Variants in VSNL1 observed in about 807,000 individuals in gnomAD.
VSNL1 encodes the protein visinin like 1, also known as visinin-like protein 1.
A neutral mutation model predicts 20.4 loss-of-function variants in VSNL1; 6 were observed. That is an observed-to-expected ratio of 0.29 (90% CI 0.16 to 0.58). VSNL1 has a LOEUF of 0.58. Among genes scored for constraint, VSNL1 ranks in the 20% least tolerant of loss-of-function variants. The pLI, the probability that VSNL1 is intolerant of heterozygous loss-of-function variation, is 0.90. For missense variants in VSNL1, 100 were observed against 234.5 expected, an observed-to-expected ratio of 0.43 and a Z score of 3.75; for synonymous variants, 93 against 86.4, an observed-to-expected ratio of 1.08 and a Z score of -0.42.
intron 1 of VSNL1, among the ~76,000 whole-genome samples, chr2:17,571,250 G>A (rs981321511): frequency 6.6e-6 from 1 of 151,972 alleles, no homozygotes; most frequent in South Asian, 2.1e-4. Context: ...TTTCCTTTAG[G>A]TACTAGGATG....
At chr2:17,605,124 C>G (rs1664913563) in intron 2 of VSNL1, among the ~76,000 whole-genome samples, 1 of 152,198 alleles carries the variant, frequency 6.6e-6, no homozygotes, top group Admixed American at 6.5e-5. Context: ...CTCTTCATAT[C>G]TACTTTACAA....
chr2:17,586,890 C>A (rs1339696902), intron 1 of VSNL1, among the ~76,000 whole-genome samples: 1 of 152,064 alleles, frequency 6.6e-6, no homozygotes, highest in Non-Finnish European at 1.5e-5. Context: ...GCATTCCAGG[C>A]AGAAGTCTAA....
chr2:17,652,393 AT>A (rs1462100776), intron 3 of VSNL1, among the ~76,000 whole-genome samples: 1 of 152,208 alleles, frequency 6.6e-6, no homozygotes, highest in Non-Finnish European at 1.5e-5. Flanking sequence ...GTCAAATGCT[AT>A]TGATAAAAGA....
rs570864875 is a variant in VSNL1 at position 17,578,545 on chromosome 2, C to T, written c.-5-13525C>T. Among the ~76,000 whole-genome samples the T allele has an allele frequency of 1.4e-4, 21 of 152,296 alleles. 1 individual carries two copies. In the South Asian group the frequency reaches 4.4e-3, roughly 32 times the overall value. On this transcript the variant is annotated intron_variant, in intron 1 of 3. Coordinates refer to ENST00000295156, the MANE Select transcript of VSNL1 (RefSeq NM_003385.5). ...ACTCCAAGTGAAAGTGACACAGGCC[C>T]AGAAGCATTTGTCATCCCCACAGGG...
At chr2:17,588,855 A>AG (rs916126060) in intron 1 of VSNL1, among the ~76,000 whole-genome samples, 1 of 152,206 alleles carries the variant, frequency 6.6e-6, no homozygotes, top group African/African-American at 2.4e-5. Flanking sequence ...ACATTTTCTC[A>AG]GAAAAAAAAT....
intron 1 of VSNL1, among the ~76,000 whole-genome samples, chr2:17,548,786 A>G (rs1291146692): frequency 6.6e-6 from 1 of 152,324 alleles, no homozygotes; most frequent in Admixed American, 6.5e-5. Flanking sequence ...CATAACACAT[A>G]TCCCAGGTAG....
At chr2:17,584,437 C>T (rs941353794) in intron 1 of VSNL1, among the ~76,000 whole-genome samples, 1 of 152,052 alleles carries the variant, frequency 6.6e-6, no homozygotes, top group South Asian at 2.1e-4. Context: ...TTTGATTATG[C>T]CATTTTGACC....
intron 2 of VSNL1, among the ~76,000 whole-genome samples, chr2:17,646,194 A>C (rs190049943): frequency 2.0e-3 from 299 of 152,360 alleles, no homozygotes; most frequent in African/African-American, 6.9e-3. Context: ...TTAAAGAATG[A>C]GTCAGAAAAT....
At chr2:17,570,805 G>C (rs777974042) in intron 1 of VSNL1, among the ~76,000 whole-genome samples, 2 of 152,190 alleles carry the variant, frequency 1.3e-5, no homozygotes, top group Non-Finnish European at 2.9e-5. Context: ...CCAGCACTTT[G>C]GGAGGCCGAG....
intron 2 of VSNL1, among the ~76,000 whole-genome samples, chr2:17,627,225 T>C (rs768144575): frequency 1.3e-5 from 2 of 152,212 alleles, no homozygotes; most frequent in African/African-American, 2.4e-5. Flanking sequence ...CAATCTGTCA[T>C]TGCTTCTAGG....
chr2:17,627,331 C>T (rs1665535785), intron 2 of VSNL1, among the ~76,000 whole-genome samples: 1 of 152,230 alleles, frequency 6.6e-6, no homozygotes, highest in East Asian at 1.9e-4. Context: ...GACCTTTTCA[C>T]CTTGGTAGTT....
chr2:17,579,741 C>A (rs1475404505), intron 1 of VSNL1, among the ~76,000 whole-genome samples: 1 of 152,172 alleles, frequency 6.6e-6, no homozygotes, highest in Admixed American at 6.5e-5. Context: ...CCCACACAGG[C>A]ATTTGGGAGG....
chr2:17,623,634 C>T (rs1414602469), intron 2 of VSNL1, among the ~76,000 whole-genome samples: 1 of 137,254 alleles, frequency 7.3e-6, no homozygotes, highest in African/African-American at 2.8e-5. Flanking sequence ...CATGCCACTG[C>T]ACTGCAGCCT....
chr2:17,582,857 T>G (rs771241871), intron 1 of VSNL1, among the ~76,000 whole-genome samples: 1 of 151,742 alleles, frequency 6.6e-6, no homozygotes, highest in Non-Finnish European at 1.5e-5. Context: ...GAAAGACCTG[T>G]CCTAAAGAAA....
At chr2:17,654,495 C>G (rs1666184112) in intron 3 of VSNL1, among the ~76,000 whole-genome samples, 1 of 152,102 alleles carries the variant, frequency 6.6e-6, no homozygotes, top group Non-Finnish European at 1.5e-5. Context: ...TTTCCTGCAC[C>G]TAGATGCAGA....
At chr2:17,623,486 G>T (rs112427637) in intron 2 of VSNL1, among the ~76,000 whole-genome samples, 1 of 151,694 alleles carries the variant, frequency 6.6e-6, no homozygotes, top group Non-Finnish European at 1.5e-5. Context: ...TGGCTAACAC[G>T]GCGAAACCCC....
chr2:17,622,558 AAGAAAGAAAGAAAG>A (rs1256052812), intron 2 of VSNL1, among the ~76,000 whole-genome samples: 2 of 126,888 alleles, frequency 1.6e-5, no homozygotes, highest in African/African-American at 5.4e-5. Flanking sequence ...GAAAGAAAGA[AAGAAAGAAAGAAAG>A]AAAGAAAGAA....
chr2:17,615,132 T>C (rs968516163), intron 2 of VSNL1, among the ~76,000 whole-genome samples: 1 of 152,182 alleles, frequency 6.6e-6, no homozygotes, highest in African/African-American at 2.4e-5. Flanking sequence ...AAAAGCCAAT[T>C]GCAAAACCCT....
chr2:17,599,725 T>C (rs1021422174), intron 2 of VSNL1, among the ~76,000 whole-genome samples: 2 of 152,216 alleles, frequency 1.3e-5, no homozygotes, highest in African/African-American at 4.8e-5. Flanking sequence ...ATCTTAGAGA[T>C]AGCATTTCCT....
Sources: gnomAD v4.1 joint callset for allele counts (sites outside exome capture counted in the v4.1 genomes callset) on GRCh38, gnomAD v4.1.1 for gene constraint, MANE v1.5 for transcripts, NCBI Gene and HGNC (gene_info 2026-07-23, HGNC 2026-07-21) for gene names.